SLC39A12: variants seen among roughly 807,000 people sequenced by gnomAD.
SLC39A12 encodes the protein solute carrier family 39 member 12, also known as zinc transporter ZIP12.
Under a neutral mutation model 71.1 loss-of-function variants are expected in SLC39A12, and 63 were observed. The ratio of observed to expected loss-of-function variants is 0.89; its 90% CI spans 0.72 to 1.09. The LOEUF is 1.09. Among genes scored for constraint, SLC39A12 ranks in the 50% least tolerant of loss-of-function variants. SLC39A12 has a pLI of 0.00. For missense variants in SLC39A12, 892 were observed against 812.6 expected (o/e 1.10, Z -1.19); for synonymous variants, 351 against 301.3 (o/e 1.16, Z -1.71).
chr10:18,031,110 G>A (rs1259610763), intron 12 of SLC39A12, among the ~76,000 whole-genome samples: 1 of 146,162 alleles, frequency 6.8e-6, no homozygotes, highest in African/African-American at 2.5e-5. Context: ...ATAAACATAC[G>A]TGTGCATGTG....
chr10:18,042,632 T>A, intron 12 of SLC39A12, 73 bp from the exon 13 acceptor site: 3 of 1,477,636 alleles, frequency 2.0e-6, no homozygotes, highest in Non-Finnish European at 2.7e-6. Context: ...CAGTCGCTCA[T>A]GTTTTCCCAC....
At chr10:17,986,226 C>T (rs1034655304) in intron 6 of SLC39A12, among the ~76,000 whole-genome samples, 11 of 152,122 alleles carry the variant, frequency 7.2e-5, no homozygotes, top group Non-Finnish European at 1.6e-4. Context: ...AAATTTATTT[C>T]TTTGAGGGTT....
rs12250194 is a variant in SLC39A12 at position 17,957,822 on chromosome 10, C to G, written c.262-3759C>G. Among the ~76,000 whole-genome samples, 858 of 152,254 alleles carry G rather than the reference C, an allele frequency of 5.6e-3. 11 individuals are homozygous for G. Among genetic ancestry groups the G allele is most frequent in the African/African-American group, 0.02 (815 of 41,536 alleles). The stretch of plus-strand genomic sequence containing the variant: ...TATTCTTTCCTCAAGCCACAGCCTT[C>G]TGTATTAAAATAAATTCTTTACGAT... On this transcript the variant is annotated intron_variant, in intron 2 of 12. Coordinates refer to ENST00000377369, the MANE Select transcript of SLC39A12 (RefSeq NM_001145195.2).
At chr10:18,034,201 A>G (rs986748123) in intron 12 of SLC39A12, among the ~76,000 whole-genome samples, 2 of 151,676 alleles carry the variant, frequency 1.3e-5, no homozygotes, top group Non-Finnish European at 2.9e-5. Flanking sequence ...ATTCCTGGGT[A>G]TCCTTGTTGA....
intron 12 of SLC39A12, among the ~76,000 whole-genome samples, chr10:18,012,597 G>A (rs1589247806): frequency 6.6e-6 from 1 of 152,102 alleles, no homozygotes. Flanking sequence ...GGCTGGGTGC[G>A]GTGGCTCGCG....
At chr10:18,041,213 C>G (rs748233487) in intron 12 of SLC39A12, among the ~76,000 whole-genome samples, 3 of 151,946 alleles carry the variant, frequency 2.0e-5, no homozygotes, top group Admixed American at 2.0e-4. Context: ...GTGAGTGAAC[C>G]CTTCCCTCTA....
At chr10:17,989,171 ATGG>A (rs1489233920) in intron 7 of SLC39A12, among the ~76,000 whole-genome samples, 1 of 152,184 alleles carries the variant, frequency 6.6e-6, no homozygotes, top group Non-Finnish European at 1.5e-5. Context: ...AGGGATAATG[ATGG>A]TGGACCAATG....
chr10:17,954,971 A>G (rs1416127701), intron 2 of SLC39A12, among the ~76,000 whole-genome samples: 1 of 152,198 alleles, frequency 6.6e-6, no homozygotes, highest in African/African-American at 2.4e-5. Context: ...CCCAGAGGAA[A>G]TGTGTTATAA....
At chr10:18,012,936 G>C (rs1319237838) in intron 12 of SLC39A12, among the ~76,000 whole-genome samples, 1 of 151,416 alleles carries the variant, frequency 6.6e-6, no homozygotes, top group Admixed American at 6.6e-5. Flanking sequence ...AACGAAGCGT[G>C]AGGACATGAG....
intron 2 of SLC39A12, among the ~76,000 whole-genome samples, chr10:17,958,669 C>A (rs1834610322): frequency 6.6e-6 from 1 of 152,124 alleles, no homozygotes; most frequent in Admixed American, 6.5e-5. Context: ...AGTTTCTTAT[C>A]CGCTTTAGTC....
intron 4 of SLC39A12, among the ~76,000 whole-genome samples, chr10:17,973,878 G>C (rs907947575): frequency 1.4e-5 from 2 of 148,048 alleles, no homozygotes; most frequent in African/African-American, 4.9e-5. Context: ...AGATTTGCTA[G>C]ATTCAGTAGT....
In SLC39A12 at chr10:17,987,584, T is replaced by TA; in HGVS notation, c.1203dup (p.Gln402ThrfsTer28). ...TGTGAGGAGAACTACAGGCTTATCTTACAGCTGTTTGTGGGCTTGGCCGTC... is the reference window on the plus strand; with the variant it reads ...TGTGAGGAGAACTACAGGCTTATCTTAACAGCTGTTTGTGGGCTTGGCCGTC... On this transcript the variant is annotated frameshift_variant, in exon 7 of 13. Transcript: ENST00000377369. LOFTEE classifies it high-confidence loss of function. 1 of 1,614,196 alleles carries TA rather than the reference T, an allele frequency of 6.2e-7. No homozygotes were observed. The highest frequency in any genetic ancestry group is 8.5e-7 in the Non-Finnish European group (1 of 1,180,048).
At chr10:18,042,463 GAAAA>G (rs551298382) in intron 12 of SLC39A12, among the ~76,000 whole-genome samples, 6 of 115,052 alleles carry the variant, frequency 5.2e-5, no homozygotes, top group Non-Finnish European at 6.9e-5. Flanking sequence ...TGCCTCAAAA[GAAAA>G]AAAAAAAAAA....
chr10:17,990,161 C>T (rs1226064989), intron 7 of SLC39A12, among the ~76,000 whole-genome samples: 1 of 152,186 alleles, frequency 6.6e-6, no homozygotes, highest in South Asian at 2.1e-4. Flanking sequence ...CAAATGTTCC[C>T]TATTTTGTGC....
intron 12 of SLC39A12, among the ~76,000 whole-genome samples, chr10:18,024,729 A>C (rs1836627102): frequency 6.6e-6 from 1 of 152,138 alleles, no homozygotes; most frequent in Admixed American, 6.5e-5. Context: ...CTAGTTGTGA[A>C]TAAATCTATT....
chr10:18,005,353 C>T (rs1220132680), intron 12 of SLC39A12: 1 of 152,212 alleles, frequency 6.6e-6, no homozygotes, highest in East Asian at 1.9e-4. Flanking sequence ...TTTGAAACCA[C>T]AGTCACTCAC....
intron 2 of SLC39A12, 131 bp downstream of exon 2, chr10:17,953,668 G>A (rs1054282397): frequency 2.7e-6 from 3 of 1,114,274 alleles, no homozygotes; most frequent in Admixed American, 5.6e-5. Flanking sequence ...ATGCATTCTG[G>A]TAAAATAATT....
At chr10:18,036,775 TATATATATATATATA>T (rs1470632680) in intron 12 of SLC39A12, among the ~76,000 whole-genome samples, 676 of 22,268 alleles carry the variant, frequency 0.03, 50 homozygotes, top group African/African-American at 0.066. Flanking sequence ...TATATATATA[TATATATATATATATA>T]TATATTTTTT....
At chr10:18,015,855 T>G (rs974101853) in intron 12 of SLC39A12, among the ~76,000 whole-genome samples, 4 of 152,002 alleles carry the variant, frequency 2.6e-5, no homozygotes, top group Non-Finnish European at 5.9e-5. Context: ...GAGGCTAGCA[T>G]GACTGAAAAA....
Sources: gnomAD v4.1 joint callset for allele counts (sites outside exome capture counted in the v4.1 genomes callset) on GRCh38, gnomAD v4.1.1 for gene constraint, MANE v1.5 for transcripts, NCBI Gene and HGNC (gene_info 2026-07-23, HGNC 2026-07-21) for gene names.